LSAMP: variants seen among roughly 807,000 people sequenced by gnomAD.
LSAMP encodes the protein limbic system associated membrane protein.
LSAMP carries 7 observed loss-of-function variants against 38.6 expected under a neutral mutation model. That is an observed-to-expected ratio of 0.18 (90% CI 0.10 to 0.34). LSAMP has a LOEUF of 0.34. LSAMP is among the 10% of genes least tolerant of loss of function. The probability of loss-of-function intolerance (pLI) is 1.00; values close to 1 mark genes in which losing one functional copy is unlikely to be tolerated. For missense variants in LSAMP, 313 were observed against 420.0 expected (o/e 0.75, Z 2.23); for synonymous variants, 154 against 166.8 (o/e 0.92, Z 0.59).
intron 3 of LSAMP, among the ~76,000 whole-genome samples, chr3:115,932,802 C>A (rs1937602330): frequency 6.6e-6 from 1 of 152,094 alleles, no homozygotes; most frequent in South Asian, 2.1e-4. Context: ...AATTATTATT[C>A]AATTGTTTTC....
intron 3 of LSAMP, among the ~76,000 whole-genome samples, chr3:115,878,299 G>A (rs1936235148): frequency 6.6e-6 from 1 of 151,960 alleles, no homozygotes; most frequent in African/African-American, 2.4e-5. Flanking sequence ...ACTACCACTG[G>A]TTATGGGATA....
intron 3 of LSAMP, among the ~76,000 whole-genome samples, chr3:115,883,145 T>C (rs1559865751): frequency 6.6e-6 from 1 of 152,116 alleles, no homozygotes; most frequent in Non-Finnish European, 1.5e-5. Flanking sequence ...CTTAAAACTT[T>C]ATTTCATCAA....
chr3:116,090,597 C>T (rs549483971), intron 1 of LSAMP, among the ~76,000 whole-genome samples: 74 of 152,246 alleles, frequency 4.9e-4, no homozygotes, highest in African/African-American at 1.7e-3. Context: ...GGACCTGCCC[C>T]GGAAAATCAC....
intron 1 of LSAMP, among the ~76,000 whole-genome samples, chr3:116,206,914 T>G (rs958105176): frequency 1.3e-5 from 2 of 150,606 alleles, no homozygotes; most frequent in Non-Finnish European, 3.0e-5. Context: ...TAGATGTCTA[T>G]TAGGTCTGCT....
intron 1 of LSAMP, among the ~76,000 whole-genome samples, chr3:116,218,028 A>G (rs1006618529): frequency 3.9e-5 from 6 of 152,300 alleles, no homozygotes; most frequent in South Asian, 4.1e-4. Flanking sequence ...TGAAGTTGCT[A>G]CTGAGCAGTC....
chr3:116,049,703 A>G (rs758264859), intron 2 of LSAMP, among the ~76,000 whole-genome samples: 11 of 152,224 alleles, frequency 7.2e-5, no homozygotes, highest in Non-Finnish European at 1.6e-4. Flanking sequence ...CTGGATTTAT[A>G]AGAATCTATT....
At chr3:115,986,927 G>A (rs1939526493) in intron 3 of LSAMP, among the ~76,000 whole-genome samples, 1 of 152,120 alleles carries the variant, frequency 6.6e-6, no homozygotes, top group African/African-American at 2.4e-5. Flanking sequence ...GAGGGGAGGA[G>A]ACAGATAGCT....
At chr3:116,263,495 G>A (rs1349496296) in intron 1 of LSAMP, among the ~76,000 whole-genome samples, 2 of 150,144 alleles carry the variant, frequency 1.3e-5, no homozygotes, top group East Asian at 2.0e-4. Flanking sequence ...CCAAGATCGC[G>A]CCACTGCACT....
At chr3:115,814,429 C>A (rs1461296831) in intron 6 of LSAMP, among the ~76,000 whole-genome samples, 2 of 152,176 alleles carry the variant, frequency 1.3e-5, no homozygotes, top group Non-Finnish European at 2.9e-5. Flanking sequence ...AGTCTCTAGA[C>A]TATAAATTTG....
intron 1 of LSAMP, among the ~76,000 whole-genome samples, chr3:116,157,686 T>G (rs1385001565): frequency 6.6e-6 from 1 of 152,008 alleles, no homozygotes; most frequent in Non-Finnish European, 1.5e-5. Flanking sequence ...TTATCAATAA[T>G]GATTTTGAAA....
At chr3:116,043,922 G>A (rs1320992991) in intron 2 of LSAMP, among the ~76,000 whole-genome samples, 1 of 152,186 alleles carries the variant, frequency 6.6e-6, no homozygotes, top group Non-Finnish European at 1.5e-5. Context: ...CTCCCGCCTG[G>A]GCGAAAGAGC....
intron 1 of LSAMP, among the ~76,000 whole-genome samples, chr3:116,094,608 AG>A (rs1414279765): frequency 1.3e-5 from 2 of 152,250 alleles, no homozygotes; most frequent in African/African-American, 4.8e-5. Flanking sequence ...GGGCAGGGTA[AG>A]AACACCGAGG....
intron 1 of LSAMP, among the ~76,000 whole-genome samples, chr3:116,200,498 G>T (rs1371741030): frequency 6.6e-6 from 1 of 152,120 alleles, no homozygotes; most frequent in South Asian, 2.1e-4. Context: ...GTTTATCAAA[G>T]ACAAAGTCTA....
chr3:116,221,108 G>A (rs1388125734), intron 1 of LSAMP, among the ~76,000 whole-genome samples: 1 of 115,998 alleles, frequency 8.6e-6, no homozygotes, highest in Non-Finnish European at 1.6e-5. Context: ...AGCCAAGTGT[G>A]CCACTGCACT....
At chr3:116,105,623 CAGTT>C (rs1476911926) in intron 1 of LSAMP, among the ~76,000 whole-genome samples, 13 of 152,128 alleles carry the variant, frequency 8.5e-5, no homozygotes, top group Non-Finnish European at 1.8e-4. Flanking sequence ...GTTAATCACT[CAGTT>C]AAAGTGGGGC....
intron 4 of LSAMP, among the ~76,000 whole-genome samples, chr3:115,845,088 G>C (rs966318007): frequency 5.9e-5 from 9 of 152,218 alleles, no homozygotes; most frequent in African/African-American, 1.2e-4. Context: ...GTGAGGAAAA[G>C]AAGGAGTGTT....
intron 3 of LSAMP, among the ~76,000 whole-genome samples, chr3:115,879,483 G>C (rs1165357522): frequency 6.6e-6 from 1 of 152,080 alleles, no homozygotes; most frequent in Admixed American, 6.6e-5. Flanking sequence ...TGTATGTATT[G>C]GTTTATACTG....
intron 6 of LSAMP, among the ~76,000 whole-genome samples, chr3:115,827,427 C>T (rs984339757): frequency 6.6e-6 from 1 of 151,138 alleles, no homozygotes. Flanking sequence ...ACTGAGATTC[C>T]GAGGTTTAGA....
chr3:115,895,689 T>C (rs545725243), intron 3 of LSAMP, among the ~76,000 whole-genome samples: 3 of 152,198 alleles, frequency 2.0e-5, no homozygotes, highest in Admixed American at 6.5e-5. Flanking sequence ...AAATTTGTGA[T>C]TTCCTTTCAT....
Sources: gnomAD v4.1 joint callset for allele counts (sites outside exome capture counted in the v4.1 genomes callset) on GRCh38, gnomAD v4.1.1 for gene constraint, MANE v1.5 for transcripts, NCBI Gene and HGNC (gene_info 2026-07-23, HGNC 2026-07-21) for gene names.